AVL9: variants seen among roughly 807,000 people sequenced by gnomAD.
The protein encoded by AVL9 is late secretory pathway protein AVL9 homolog.
Under a neutral mutation model 79.2 loss-of-function variants are expected in AVL9, and 49 were observed. The ratio of observed to expected loss-of-function variants is 0.62; its 90% CI spans 0.49 to 0.79. The LOEUF (loss-of-function observed/expected upper bound fraction) is 0.79. AVL9 is among the 30% of genes least tolerant of loss of function. AVL9 has a pLI of 0.00. For missense variants in AVL9, 682 were observed against 776.8 expected (o/e 0.88, Z 1.45); for synonymous variants, 299 against 280.6 (o/e 1.07, Z -0.65).
At chr7:32,553,625 T>C (rs1301748430) in intron 6 of AVL9, 102 bp from the exon 7 acceptor site, 1 of 668,410 alleles carries the variant, frequency 1.5e-6, no homozygotes, top group Non-Finnish European at 2.5e-6. Context: ...ATTCCTACTT[T>C]TTTTTTTTTT....
intron 3 of AVL9, among the ~76,000 whole-genome samples, chr7:32,546,068 A>G (rs893923215): frequency 2.2e-5 from 1 of 45,798 alleles, no homozygotes; most frequent in African/African-American, 7.7e-5. Context: ...TTACCTGGAG[A>G]CTTTTTTTTT....
chr7:32,583,685 C>A, intron 15 of AVL9, 107 bp from the exon 16 acceptor site: 1 of 736,706 alleles, frequency 1.4e-6, no homozygotes, highest in Admixed American at 2.9e-5. Flanking sequence ...TCTCAAAAAA[C>A]ATTTTTTTAA....
intron 13 of AVL9, among the ~76,000 whole-genome samples, chr7:32,579,606 AT>A (rs1554348282): frequency 1.5e-5 from 1 of 64,990 alleles, no homozygotes; most frequent in Non-Finnish European, 2.8e-5. Context: ...TATATATTAT[AT>A]TATATATTAT....
chr7:32,507,997 T>C (rs897453786), intron 1 of AVL9, among the ~76,000 whole-genome samples: 3 of 152,230 alleles, frequency 2.0e-5, no homozygotes, highest in Non-Finnish European at 4.4e-5. Flanking sequence ...CACTTTTTTA[T>C]AGGTCTGCTG....
chr7:32,498,670 G>C (rs984984028), intron 1 of AVL9, among the ~76,000 whole-genome samples: 2 of 149,510 alleles, frequency 1.3e-5, no homozygotes, highest in Non-Finnish European at 3.0e-5. Flanking sequence ...TAGATAGCGT[G>C]TTAGCTTCTA....
At chr7:32,528,807 G>A (rs1226160209) in intron 1 of AVL9, among the ~76,000 whole-genome samples, 1 of 151,942 alleles carries the variant, frequency 6.6e-6, no homozygotes, top group African/African-American at 2.4e-5. Flanking sequence ...TCAGGAGATC[G>A]AGACCATCCT....
At chr7:32,560,652 T>G (rs1327737430) in intron 10 of AVL9, among the ~76,000 whole-genome samples, 1 of 152,362 alleles carries the variant, frequency 6.6e-6, no homozygotes, top group East Asian at 1.9e-4. Flanking sequence ...ATTGATATTT[T>G]GACCTCCTCC....
intron 1 of AVL9, among the ~76,000 whole-genome samples, chr7:32,514,441 C>G (rs2128119895): frequency 6.6e-6 from 1 of 152,364 alleles, no homozygotes; most frequent in South Asian, 2.1e-4. Flanking sequence ...TACTGTCAGG[C>G]CTCTGAGCCC....
chr7:32,526,516 G>A (rs1035224201), intron 1 of AVL9, among the ~76,000 whole-genome samples: 2 of 152,092 alleles, frequency 1.3e-5, no homozygotes, highest in African/African-American at 2.4e-5. Flanking sequence ...GGGACAGAGG[G>A]GCCCAAAGCC....
intron 4 of AVL9, among the ~76,000 whole-genome samples, chr7:32,550,015 TACAC>T (rs1207302657): frequency 2.0e-5 from 3 of 151,912 alleles, no homozygotes; most frequent in African/African-American, 7.2e-5. Flanking sequence ...CTGATTCCTG[TACAC>T]ACCTTTGAGA....
chr7:32,544,989 T>A (rs1789410318), intron 3 of AVL9, among the ~76,000 whole-genome samples: 1 of 152,244 alleles, frequency 6.6e-6, no homozygotes, highest in Admixed American at 6.5e-5. Context: ...TATCACAATA[T>A]TTTGTACATT....
intron 1 of AVL9, among the ~76,000 whole-genome samples, chr7:32,504,304 A>T (rs1022484481): frequency 1.3e-5 from 2 of 152,158 alleles, no homozygotes; most frequent in African/African-American, 4.8e-5. Flanking sequence ...CTTTGATGAC[A>T]TCTTTGTATA....
At chr7:32,508,800 G>T (rs73689725) in intron 1 of AVL9, among the ~76,000 whole-genome samples, 2,054 of 152,264 alleles carry the variant, frequency 0.013, 37 homozygotes, top group Middle Eastern at 0.048. Flanking sequence ...TGTGTGTCTT[G>T]TTCCTGTATT....
At position 32,587,497 on chromosome 7, in the gene AVL9, G is replaced by C. The variant is rs1469815355; in HGVS notation, c.*3590G>C. The C allele has an allele frequency of 6.6e-6, 1 of 152,250 alleles. No homozygotes were observed. The highest frequency in any genetic ancestry group is 1.5e-5 in the Non-Finnish European group (1 of 68,054). The allele number at this position is 152,250 out of a possible 1,614,324, so 9.4% of individuals were successfully genotyped here. On this transcript the variant is annotated 3_prime_UTR_variant, in exon 16 of 16. Transcript: ENST00000318709. The stretch of plus-strand genomic sequence containing the variant: ...CAGCTCTGTAAGGGGCCAGCGTTCT[G>C]ACCTTTAACCACATGAACTAACCTG...
At chr7:32,503,330 A>G (rs1485469863) in intron 1 of AVL9, among the ~76,000 whole-genome samples, 4 of 107,206 alleles carry the variant, frequency 3.7e-5, no homozygotes, top group Non-Finnish European at 7.6e-5. Context: ...ATATATATAT[A>G]TATCTATATA....
chr7:32,543,893 TTTTC>T (rs71559234), intron 2 of AVL9, among the ~76,000 whole-genome samples: 91,950 of 143,018 alleles, frequency 0.64, 29,295 homozygotes, highest in Admixed American at 0.72. Flanking sequence ...TTGCTATTGA[TTTTC>T]TTTCTTTCTT....
At chr7:32,503,349 TAGATATAGAGAG>T (rs1562749438) in intron 1 of AVL9, among the ~76,000 whole-genome samples, 8 of 109,948 alleles carry the variant, frequency 7.3e-5, no homozygotes, top group Non-Finnish European at 1.3e-4. Flanking sequence ...TATATAGATA[TAGATATAGAGAG>T]ATATATATAT....
At chr7:32,543,567 G>A (rs544957849) in intron 2 of AVL9, among the ~76,000 whole-genome samples, 1 of 152,254 alleles carries the variant, frequency 6.6e-6, no homozygotes, top group South Asian at 2.1e-4. Flanking sequence ...GCAAATCAGG[G>A]GGCTTACCAG....
intron 11 of AVL9, among the ~76,000 whole-genome samples, chr7:32,572,540 C>T (rs190460054): frequency 6.6e-6 from 1 of 150,600 alleles, no homozygotes; most frequent in Non-Finnish European, 1.5e-5. Flanking sequence ...TGGTGGCTCA[C>T]GCCTGTAATC....
Sources: allele counts gnomAD v4.1 joint callset (sites outside exome capture counted in the v4.1 genomes callset), GRCh38; gene constraint gnomAD v4.1.1; transcripts MANE v1.5; gene names NCBI Gene and HGNC (gene_info 2026-07-23, HGNC 2026-07-21).